Variants in DNAH6 observed in about 807,000 individuals in gnomAD.
DNAH6 encodes axonemal beta dynein heavy chain 6.
DNAH6 carries 340 observed loss-of-function variants against 491.4 expected under a neutral mutation model. The observed-to-expected ratio is 0.69, with a 90% CI of 0.63 to 0.76. The LOEUF (loss-of-function observed/expected upper bound fraction) is 0.76, where lower values mean the gene tolerates loss of function less well. Ranked by LOEUF, DNAH6 falls within the 30% of genes least tolerant of loss-of-function variation. DNAH6 has a pLI of 0.00. For missense variants in DNAH6, 4,443 were observed against 4,972.2 expected (o/e 0.89, Z 3.20); for synonymous variants, 1,603 against 1,686.1 (o/e 0.95, Z 1.21).
At chr2:84,649,063 G>A (rs761171158) in intron 33 of DNAH6, among the ~76,000 whole-genome samples, 29 of 152,326 alleles carry the variant, frequency 1.9e-4, no homozygotes, top group Middle Eastern at 3.4e-3. Flanking sequence ...AGCAAAAGCC[G>A]ATGGCTCAGA....
At chr2:84,651,707 T>A (rs1690470205) in intron 33 of DNAH6, among the ~76,000 whole-genome samples, 1 of 152,136 alleles carries the variant, frequency 6.6e-6, no homozygotes, top group Non-Finnish European at 1.5e-5. Flanking sequence ...TTAAGGTACC[T>A]AGCCAGTCTG....
At chr2:84,502,710 T>A in the DNAH6 span, among the ~76,000 whole-genome samples, 1 of 152,200 alleles carries the variant, frequency 6.6e-6, no homozygotes, top group Non-Finnish European at 1.5e-5. Flanking sequence ...ATAATTGTTA[T>A]ATTTTCTTGC....
chr2:84,542,569 G>A (rs116089058), intron 4 of DNAH6, among the ~76,000 whole-genome samples: 6 of 152,208 alleles, frequency 3.9e-5, no homozygotes, highest in African/African-American at 1.4e-4. Flanking sequence ...ACTTCGCACA[G>A]CACCATCAGC....
intron 37 of DNAH6, among the ~76,000 whole-genome samples, chr2:84,663,691 GA>G (rs1250089041): frequency 6.6e-6 from 1 of 152,152 alleles, no homozygotes; most frequent in African/African-American, 2.4e-5. Context: ...TTATCCAGGA[GA>G]ACTTCCCCAA....
chr2:84,544,886 C>G (rs980648957), intron 5 of DNAH6, among the ~76,000 whole-genome samples: 2 of 152,116 alleles, frequency 1.3e-5, no homozygotes, highest in Non-Finnish European at 2.9e-5. Context: ...CAAAATAAGT[C>G]AGGGCCTTGT....
chr2:84,675,902 C>T (rs548684545), intron 40 of DNAH6, among the ~76,000 whole-genome samples: 2 of 152,202 alleles, frequency 1.3e-5, no homozygotes, highest in African/African-American at 2.4e-5. Context: ...TCAAGTGATC[C>T]GCCTGCCTCA....
chr2:84,695,253 C>T (rs1264633359), intron 46 of DNAH6, among the ~76,000 whole-genome samples: 1 of 151,930 alleles, frequency 6.6e-6, no homozygotes, highest in Non-Finnish European at 1.5e-5. Flanking sequence ...GCTTTAAACA[C>T]CTGAAGAAAT....
chr2:84,732,852 A>G (rs1699234330), intron 61 of DNAH6, among the ~76,000 whole-genome samples: 1 of 152,244 alleles, frequency 6.6e-6, no homozygotes, highest in African/African-American at 2.4e-5. Flanking sequence ...TTGAAGAACT[A>G]GTTTCAGTCT....
At chr2:84,560,963 G>A (rs1378006452) in intron 11 of DNAH6, among the ~76,000 whole-genome samples, 4 of 151,388 alleles carry the variant, frequency 2.6e-5, no homozygotes, top group African/African-American at 9.7e-5. Context: ...ATAGTCCTTT[G>A]GGTATATACC....
rs1689273659 is a variant in DNAH6, at chr2:84,640,365, G to T, written c.4822-65G>T. On this transcript the variant is annotated intron_variant, in intron 31 of 76. Coordinates refer to ENST00000389394, the MANE Select transcript of DNAH6 (RefSeq NM_001370.2). Reference sequence around the variant, plus strand: ...TTTAGAGTCAATTTTGACTATGTTGGTATCATGCTAATACATTGTTATCAA... The same window carrying T: ...TTTAGAGTCAATTTTGACTATGTTGTTATCATGCTAATACATTGTTATCAA... 5.0e-6 allele frequency: 5 copies of T among 999,532 alleles called. No individual in the cohort carries two copies. In the East Asian group the frequency reaches 1.4e-4, roughly 27 times the overall value. The allele number at this position is 999,532 out of a possible 1,614,324, so 61.9% of individuals were successfully genotyped here.
chr2:84,492,967 T>A, the DNAH6 span, among the ~76,000 whole-genome samples: 3 of 152,140 alleles, frequency 2.0e-5, no homozygotes, highest in Non-Finnish European at 4.4e-5. Context: ...GTACTTTATC[T>A]TGACATGGTG....
intron 8 of DNAH6, among the ~76,000 whole-genome samples, chr2:84,548,938 C>T (rs535106185): frequency 4.6e-5 from 7 of 152,298 alleles, no homozygotes; most frequent in African/African-American, 1.7e-4. Context: ...GCCTGAAGGA[C>T]TTGCTCCATC....
At chr2:84,544,643 A>G (rs1678599041) in intron 5 of DNAH6, 143 bp downstream of exon 5, 1 of 593,912 alleles carries the variant, frequency 1.7e-6, no homozygotes, top group African/African-American at 1.8e-5. Context: ...CTGTCTTGTC[A>G]TTTAGGAGTC....
At chr2:84,680,957 TA>T (rs1391740157) in intron 41 of DNAH6, among the ~76,000 whole-genome samples, 4 of 152,098 alleles carry the variant, frequency 2.6e-5, no homozygotes, top group Admixed American at 6.6e-5. Context: ...AAGTCGCATT[TA>T]AAATATACAT....
chr2:84,714,005 T>C (rs148298219), intron 57 of DNAH6, among the ~76,000 whole-genome samples: 2 of 152,224 alleles, frequency 1.3e-5, no homozygotes, highest in African/African-American at 4.8e-5. Context: ...GCAACAGAAA[T>C]GAAGACAGCT....
At chr2:84,706,122 G>A (rs2104848584) in intron 52 of DNAH6, among the ~76,000 whole-genome samples, 1 of 152,250 alleles carries the variant, frequency 6.6e-6, no homozygotes, top group Non-Finnish European at 1.5e-5. Flanking sequence ...TGGATGTGAG[G>A]CCCTTCATCT....
intron 1 of DNAH6, among the ~76,000 whole-genome samples, chr2:84,517,583 T>C (rs1319912800): frequency 6.6e-6 from 1 of 152,170 alleles, no homozygotes; most frequent in African/African-American, 2.4e-5. Flanking sequence ...GAAATGCAAA[T>C]TCCTGGGTTC....
chr2:84,695,243 G>A (rs1406332621), intron 46 of DNAH6, among the ~76,000 whole-genome samples: 1 of 152,034 alleles, frequency 6.6e-6, no homozygotes, highest in African/African-American at 2.4e-5. Flanking sequence ...AAAACAAAGG[G>A]CTTTAAACAC....
intron 63 of DNAH6, among the ~76,000 whole-genome samples, chr2:84,753,191 A>G (rs778929753): frequency 5.3e-5 from 8 of 152,074 alleles, no homozygotes; most frequent in Admixed American, 1.3e-4. Context: ...GGAACTGTCT[A>G]TTCAGATTCT....
Sources: allele counts gnomAD v4.1 joint callset (sites outside exome capture counted in the v4.1 genomes callset), GRCh38; gene constraint gnomAD v4.1.1; transcripts MANE v1.5; gene names NCBI Gene and HGNC (gene_info 2026-07-23, HGNC 2026-07-21).